The following TMOD2 variants were observed in gnomAD, a reference collection of about 807,000 sequenced individuals.
The protein encoded by TMOD2 is tropomodulin 2.
Under a neutral mutation model 39.9 loss-of-function variants are expected in TMOD2, and 22 were observed. The ratio of observed to expected loss-of-function variants is 0.55; its 90% CI spans 0.39 to 0.79. The LOEUF (loss-of-function observed/expected upper bound fraction) is 0.79, where lower values mean the gene tolerates loss of function less well. Ranked by LOEUF, TMOD2 falls within the 30% of genes least tolerant of loss-of-function variation. The pLI, the probability that TMOD2 is intolerant of heterozygous loss-of-function variation, is 0.00. For synonymous variants in TMOD2, 123 were observed against 146.1 expected (o/e 0.84, Z 1.14); for missense variants, 386 against 413.3 (o/e 0.93, Z 0.57).
At chr15:51,763,341 A>C (rs117578259) in intron 1 of TMOD2, among the ~76,000 whole-genome samples, 1 of 152,234 alleles carries the variant, frequency 6.6e-6, no homozygotes, top group Non-Finnish European at 1.5e-5. Context: ...AAAATCATAT[A>C]TCTCTCCTGT....
At chr15:51,786,793 G>A (rs2055973187) in intron 7 of TMOD2, among the ~76,000 whole-genome samples, 1 of 152,214 alleles carries the variant, frequency 6.6e-6, no homozygotes, top group Admixed American at 6.5e-5. Flanking sequence ...TATTTACAAT[G>A]ATGCCACATA....
chr15:51,777,012 G>C lies in TMOD2; in HGVS notation c.487G>C (p.Val163Leu). 6.2e-7 allele frequency: 1 copy of C among 1,613,648 alleles called. No homozygotes were observed. Among genetic ancestry groups the C allele is most frequent in the Non-Finnish European group, 8.5e-7 (1 of 1,179,656 alleles). ...CAACAATAAAGGTGGCAAAGGACCT[G>C]TCAGAAGTAAGTTGATGTGCAATCT... ...TANNKGGKGP[V>L]RNVVKGEKVK... is the part of the protein sequence containing the mutation. Residue 163 changes from valine (V) to leucine (L), a missense_variant, in exon 5 of 10, where the codon GTC becomes CTC. Val to Leu is a conservative substitution (Grantham distance 32). Transcript: ENST00000249700.
chr15:51,795,025 C>T (rs1567245286), intron 7 of TMOD2, among the ~76,000 whole-genome samples: 1 of 152,122 alleles, frequency 6.6e-6, no homozygotes, highest in Non-Finnish European at 1.5e-5. Flanking sequence ...TAGTGCTGAC[C>T]TGATTTTTGA....
chr15:51,793,710 G>A (rs1181754945), intron 7 of TMOD2, among the ~76,000 whole-genome samples: 1 of 152,216 alleles, frequency 6.6e-6, no homozygotes, highest in Non-Finnish European at 1.5e-5. Flanking sequence ...CCCCTGTTTT[G>A]TTCAGCACAA....
Position 51,812,208 on chromosome 15 carries a change from T to A in TMOD2, c.*3754T>A, listed in dbSNP as rs927507714. On this transcript the variant is annotated 3_prime_UTR_variant, in exon 10 of 10. Transcript: ENST00000249700. Reference sequence around the variant, plus strand: ...ATCTTACAATAAAAGCCCATTCATTTAAAAACTCAGAAATCATCCCAGTGC... The same window carrying A: ...ATCTTACAATAAAAGCCCATTCATTAAAAAACTCAGAAATCATCCCAGTGC... 2.0e-5 allele frequency: 3 copies of A among 152,116 alleles called. No individual in the cohort carries two copies. The highest frequency in any genetic ancestry group is 2.9e-5 in the Non-Finnish European group (2 of 68,022). 9.4% of individuals were successfully genotyped at this position (152,116 alleles called of 1,614,324 possible). A position where few individuals can be genotyped will look rare whatever the true frequency, so the allele number is the denominator to read the frequency against.
chr15:51,800,681 C>A (rs1016536722), intron 8 of TMOD2, among the ~76,000 whole-genome samples: 4 of 152,230 alleles, frequency 2.6e-5, no homozygotes, highest in Non-Finnish European at 5.9e-5. Flanking sequence ...GAAATGGCTT[C>A]TCTTTATTTC....
intron 1 of TMOD2, among the ~76,000 whole-genome samples, chr15:51,760,503 A>G (rs979355723): frequency 2.0e-5 from 3 of 152,192 alleles, no homozygotes; most frequent in African/African-American, 7.2e-5. Context: ...TGGTCTTTCT[A>G]TTTTTAAATC....
At chr15:51,770,534 G>C (rs1183390213) in intron 3 of TMOD2, among the ~76,000 whole-genome samples, 1 of 152,154 alleles carries the variant, frequency 6.6e-6, no homozygotes, top group African/African-American at 2.4e-5. Context: ...GGAGCATCCA[G>C]CTCCTAGTTG....
chr15:51,797,595 G>A (rs1409652827), intron 7 of TMOD2, among the ~76,000 whole-genome samples: 1 of 152,078 alleles, frequency 6.6e-6, no homozygotes, highest in Non-Finnish European at 1.5e-5. Context: ...CTGGTGGTGG[G>A]AAACTCTGGG....
chr15:51,801,226 C>CTA, intron 8 of TMOD2, among the ~76,000 whole-genome samples: 1 of 92,932 alleles, frequency 1.1e-5, no homozygotes, highest in Non-Finnish European at 2.2e-5. Flanking sequence ...CCCTCTCTCT[C>CTA]TCTCTCTCTC....
At chr15:51,786,436 A>G (rs1044949359) in intron 7 of TMOD2, among the ~76,000 whole-genome samples, 5 of 152,066 alleles carry the variant, frequency 3.3e-5, no homozygotes, top group African/African-American at 1.2e-4. Context: ...TATTATTCTG[A>G]TATATTTTTA....
At chr15:51,782,596 C>G (rs757882798) in intron 6 of TMOD2, 125 bp from the exon 7 acceptor site, 1 of 744,806 alleles carries the variant, frequency 1.3e-6, no homozygotes, top group Admixed American at 2.5e-5. Flanking sequence ...GGTAATGACC[C>G]TCATTTAGAA....
intron 8 of TMOD2, among the ~76,000 whole-genome samples, chr15:51,803,419 G>T (rs2141643551): frequency 6.6e-6 from 1 of 152,230 alleles, no homozygotes; most frequent in East Asian, 1.9e-4. Flanking sequence ...GACCTCAAGT[G>T]ATCTGCCTGC....
intron 2 of TMOD2, among the ~76,000 whole-genome samples, chr15:51,767,719 C>A (rs1227460978): frequency 1.3e-5 from 2 of 151,538 alleles, no homozygotes; most frequent in Non-Finnish European, 2.9e-5. Context: ...ATATGGTATT[C>A]TGATATGTCA....
intron 7 of TMOD2, among the ~76,000 whole-genome samples, chr15:51,785,335 C>G (rs950650328): frequency 6.6e-6 from 1 of 150,662 alleles, no homozygotes; most frequent in Non-Finnish European, 1.5e-5. Flanking sequence ...TGGCGTGAAC[C>G]CAGGAGGTGG....
chr15:51,796,994 A>T (rs1358816461), intron 7 of TMOD2, among the ~76,000 whole-genome samples: 1 of 152,200 alleles, frequency 6.6e-6, no homozygotes, highest in Non-Finnish European at 1.5e-5. Context: ...GGACAAACAG[A>T]TGATTCACCT....
At chr15:51,807,353 C>T (rs866619690) in intron 9 of TMOD2, among the ~76,000 whole-genome samples, 7 of 152,150 alleles carry the variant, frequency 4.6e-5, no homozygotes, top group Admixed American at 1.3e-4. Context: ...AAGGTTAGAA[C>T]GGGAAGGGGC....
chr15:51,784,553 T>C (rs1264558084), intron 7 of TMOD2: 1 of 152,206 alleles, frequency 6.6e-6, no homozygotes, highest in Non-Finnish European at 1.5e-5. Flanking sequence ...TAAGCACTCA[T>C]GTAAAAGAGG....
At chr15:51,780,456 T>C (rs2055922046) in intron 5 of TMOD2, among the ~76,000 whole-genome samples, 1 of 152,250 alleles carries the variant, frequency 6.6e-6, no homozygotes, top group Admixed American at 6.5e-5. Context: ...CATTTTTAAT[T>C]GGGTCACCTT....
Sources: gnomAD v4.1 joint callset for allele counts (sites outside exome capture counted in the v4.1 genomes callset) on GRCh38, gnomAD v4.1.1 for gene constraint, MANE v1.5 for transcripts, NCBI Gene and HGNC (gene_info 2026-07-23, HGNC 2026-07-21) for gene names.